LRRTM4: variants seen among roughly 807,000 people sequenced by gnomAD.
LRRTM4 encodes leucine-rich repeat transmembrane neuronal protein 4.
Under a neutral mutation model 47.6 loss-of-function variants are expected in LRRTM4, and 25 were observed. That is an observed-to-expected ratio of 0.53 (90% CI 0.38 to 0.73). The LOEUF (loss-of-function observed/expected upper bound fraction) is 0.73, where lower values mean the gene tolerates loss of function less well. Ranked by LOEUF, LRRTM4 falls within the 30% of genes least tolerant of loss-of-function variation. LRRTM4 has a pLI of 0.00. For missense variants in LRRTM4, 638 were observed against 713.4 expected (o/e 0.89, Z 1.20); for synonymous variants, 311 against 269.5 (o/e 1.15, Z -1.51).
At chr2:77,108,623 G>A (rs1019742809) in intron 3 of LRRTM4, among the ~76,000 whole-genome samples, 13 of 139,922 alleles carry the variant, frequency 9.3e-5, no homozygotes, top group Admixed American at 7.5e-4. Flanking sequence ...TCGCTCTGTC[G>A]CCCAGGCTGG....
At chr2:76,820,025 T>C (rs986783029) in intron 3 of LRRTM4, among the ~76,000 whole-genome samples, 1 of 151,962 alleles carries the variant, frequency 6.6e-6, no homozygotes, top group African/African-American at 2.4e-5. Context: ...CTTACAGATA[T>C]CCACCCCCAG....
At chr2:76,769,028 G>T (rs72917793) in intron 3 of LRRTM4, among the ~76,000 whole-genome samples, 9,241 of 152,136 alleles carry the variant, frequency 0.061, 925 homozygotes, top group African/African-American at 0.2. Flanking sequence ...GCATCTTGTG[G>T]CACAGTTTAA....
At chr2:77,515,009 G>A (rs1158699993) in intron 3 of LRRTM4, among the ~76,000 whole-genome samples, 2 of 151,812 alleles carry the variant, frequency 1.3e-5, no homozygotes, top group Non-Finnish European at 2.9e-5. Context: ...ACACCTTACT[G>A]TTTTAGGAAA....
At chr2:76,781,886 T>C (rs1297332749) in intron 3 of LRRTM4, among the ~76,000 whole-genome samples, 1 of 152,220 alleles carries the variant, frequency 6.6e-6, no homozygotes, top group Non-Finnish European at 1.5e-5. Flanking sequence ...TTTCACAAAT[T>C]GTATCTGAAA....
At chr2:76,783,271 C>G (rs1283189095) in intron 3 of LRRTM4, among the ~76,000 whole-genome samples, 1 of 152,078 alleles carries the variant, frequency 6.6e-6, no homozygotes, top group African/African-American at 2.4e-5. Flanking sequence ...ATCTGGGAAT[C>G]CACCTTTCCA....
intron 3 of LRRTM4, among the ~76,000 whole-genome samples, chr2:77,369,026 T>C (rs1200868335): frequency 2.0e-5 from 3 of 151,834 alleles, no homozygotes; most frequent in African/African-American, 7.2e-5. Flanking sequence ...TTTTTGATAA[T>C]GGCGATTCAA....
At chr2:76,969,913 C>T (rs1573383988) in intron 3 of LRRTM4, among the ~76,000 whole-genome samples, 1 of 151,886 alleles carries the variant, frequency 6.6e-6, no homozygotes. Flanking sequence ...TCAAATCTAT[C>T]CCTCATGGTC....
intron 3 of LRRTM4, among the ~76,000 whole-genome samples, chr2:77,058,452 T>A (rs1002427632): frequency 1.3e-5 from 2 of 152,166 alleles, no homozygotes; most frequent in Admixed American, 6.6e-5. Flanking sequence ...GGAATCCAAC[T>A]GTAGCCTAAC....
intron 3 of LRRTM4, among the ~76,000 whole-genome samples, chr2:77,139,439 A>G (rs1672050003): frequency 6.6e-6 from 1 of 152,010 alleles, no homozygotes; most frequent in African/African-American, 2.4e-5. Context: ...CATGCTAAAA[A>G]CTCTCAATAA....
chr2:77,180,831 C>T (rs1044069459), intron 3 of LRRTM4, among the ~76,000 whole-genome samples: 1 of 152,068 alleles, frequency 6.6e-6, no homozygotes, highest in African/African-American at 2.4e-5. Flanking sequence ...GGTTACAGAA[C>T]ATTGTGTTCC....
In LRRTM4 at chr2:77,438,393, A is replaced by ATTTTTTTT. The variant is rs70956631; in HGVS notation, c.1551+79917_1551+79924dup. 1.7e-4 allele frequency among the ~76,000 whole-genome samples: 17 copies of ATTTTTTTT among 100,182 alleles called. 1 individual carries two copies. The highest frequency in any genetic ancestry group is 5.8e-4 in the African/African-American group (13 of 22,408). The allele number at this position is 100,182 out of a possible 152,430, so 65.7% of individuals were successfully genotyped here. ...TACATTTTCGCTCTCGATCATGATAATTTTTTTTTTTTTTTTTTTTTTTTT... is the reference window on the plus strand; with the variant it reads ...TACATTTTCGCTCTCGATCATGATAATTTTTTTTTTTTTTTTTTTTTTTTTTTTTTTTT... On this transcript the variant is annotated intron_variant, in intron 3 of 3. Transcript: ENST00000409884.
At chr2:76,799,100 A>T (rs1307320679) in intron 3 of LRRTM4, among the ~76,000 whole-genome samples, 7 of 147,290 alleles carry the variant, frequency 4.8e-5, no homozygotes, top group South Asian at 4.4e-4. Flanking sequence ...AACTCATTTT[A>T]TGAGGCCAGC....
At chr2:77,426,917 A>C (rs1199587233) in intron 3 of LRRTM4, among the ~76,000 whole-genome samples, 1 of 151,850 alleles carries the variant, frequency 6.6e-6, no homozygotes, top group African/African-American at 2.4e-5. Context: ...ATTTTCTTAT[A>C]AGGCTATGGA....
intron 3 of LRRTM4, among the ~76,000 whole-genome samples, chr2:77,269,637 T>TTAAAGGC (rs1676140891): frequency 5.3e-5 from 8 of 152,008 alleles, no homozygotes; most frequent in African/African-American, 1.7e-4. Context: ...GAAAAAAAGG[T>TTAAAGGC]TTTAGTTATA....
chr2:77,419,971 A>C (rs548773995), intron 3 of LRRTM4, among the ~76,000 whole-genome samples: 1 of 152,304 alleles, frequency 6.6e-6, no homozygotes, highest in African/African-American at 2.4e-5. Flanking sequence ...TGAAGGTGGG[A>C]ATCTGGGTGC....
chr2:77,077,579 C>T (rs1233986919), intron 3 of LRRTM4, among the ~76,000 whole-genome samples: 1 of 152,118 alleles, frequency 6.6e-6, no homozygotes, highest in African/African-American at 2.4e-5. Flanking sequence ...ATTTTTCTTA[C>T]TCATATTCTC....
Position 77,008,606 on chromosome 2 carries a change from A to G in LRRTM4, c.1552-259690T>C, listed in dbSNP as rs561168030. Among the ~76,000 whole-genome samples the G allele has an allele frequency of 2.0e-5, 3 of 152,228 alleles. No homozygotes were observed. In the East Asian group the frequency reaches 5.8e-4, roughly 29 times the overall value. On this transcript the variant is annotated intron_variant, in intron 3 of 3. Transcript: ENST00000409884. ...TCAATGCAATTCCTGACAGCTGTATAATTGAATAACATCTGGATACCAGAC... is the reference window on the plus strand; with the variant it reads ...TCAATGCAATTCCTGACAGCTGTATGATTGAATAACATCTGGATACCAGAC...
intron 3 of LRRTM4, among the ~76,000 whole-genome samples, chr2:77,182,586 C>A (rs1180467036): frequency 6.6e-6 from 1 of 152,028 alleles, no homozygotes; most frequent in Admixed American, 6.6e-5. Flanking sequence ...AGATTTTGGG[C>A]TGAGACGATG....
At chr2:77,040,997 A>T (rs545052425) in intron 3 of LRRTM4, among the ~76,000 whole-genome samples, 3 of 151,350 alleles carry the variant, frequency 2.0e-5, no homozygotes. Flanking sequence ...TAGTCATCCT[A>T]TTGTGCACAG....
Sources: allele counts gnomAD v4.1 joint callset (sites outside exome capture counted in the v4.1 genomes callset), GRCh38; gene constraint gnomAD v4.1.1; transcripts MANE v1.5; gene names NCBI Gene and HGNC (gene_info 2026-07-23, HGNC 2026-07-21).